R3HCC1L: variants seen among roughly 807,000 people sequenced by gnomAD.
R3HCC1L encodes R3H domain and coiled-coil containing 1 like, also known as coiled-coil domain-containing protein R3HCC1L.
In R3HCC1L, 51 loss-of-function variants were observed where a neutral mutation model predicts 59.9. The observed-to-expected ratio is 0.85, with a 90% confidence interval of 0.68 to 1.07. The LOEUF is 1.07. Among genes scored for constraint, R3HCC1L ranks in the 50% least tolerant of loss-of-function variants. The pLI is 0.00. For synonymous variants in R3HCC1L, 322 were observed against 315.2 expected, an observed-to-expected ratio of 1.02 and a Z score of -0.23; for missense variants, 965 against 933.0, an observed-to-expected ratio of 1.03 and a Z score of -0.45.
At chr10:98,154,182 CAAAAAAAA>C (rs61379048) in intron 1 of R3HCC1L, among the ~76,000 whole-genome samples, 3 of 92,832 alleles carry the variant, frequency 3.2e-5, no homozygotes, top group Non-Finnish European at 4.2e-5. Flanking sequence ...AGAGAATAAG[CAAAAAAAA>C]AAAAAAAAAA....
In R3HCC1L at chr10:98,209,882, C is replaced by G. The variant is rs1175698734; in HGVS notation, c.1768C>G (p.Pro590Ala). ...MFNDDGDCLD[P>A]RLLQELSGNT... ...TAACGATGATGGTGACTGCCTGGAT[C>G]CACGTCTTCTACAAGAGGTATGTTT... Residue 590 changes from proline (P) to alanine (A), a missense_variant, in exon 5 of 10, where the codon CCA becomes GCA. Physicochemically the swap from Pro to Ala is conservative, Grantham distance 27. Coordinates refer to ENST00000298999, the MANE Select transcript of R3HCC1L (RefSeq NM_001351015.2). 1 of 1,610,916 alleles carries G rather than the reference C, an allele frequency of 6.2e-7. No individual in the cohort carries two copies. Among genetic ancestry groups the G allele is most frequent in the Non-Finnish European group, 8.5e-7 (1 of 1,177,832 alleles).
At chr10:98,204,256 A>G (rs1852378045) in intron 4 of R3HCC1L, among the ~76,000 whole-genome samples, 1 of 152,112 alleles carries the variant, frequency 6.6e-6, no homozygotes, top group Non-Finnish European at 1.5e-5. Flanking sequence ...TTAAAACACA[A>G]AATTAGCCAG....
intron 5 of R3HCC1L, among the ~76,000 whole-genome samples, chr10:98,220,544 A>G (rs1459095214): frequency 1.1e-5 from 1 of 91,132 alleles, no homozygotes; most frequent in South Asian, 4.7e-4. Flanking sequence ...CCACCCCACA[A>G]CAGTCCCCAG....
At chr10:98,165,790 C>T (rs1847886578) in intron 4 of R3HCC1L, among the ~76,000 whole-genome samples, 1 of 152,166 alleles carries the variant, frequency 6.6e-6, no homozygotes, top group African/African-American at 2.4e-5. Context: ...ATCTGGTCCC[C>T]AATGTGATGG....
At position 98,209,022 on chromosome 10, in the gene R3HCC1L, AAGATAC is replaced by A; in HGVS notation, c.913_918del (p.Thr305_Asp306del). On this transcript the variant is annotated inframe_deletion, in exon 5 of 10. Coordinates refer to ENST00000298999, the MANE Select transcript of R3HCC1L (RefSeq NM_001351015.2). The stretch of plus-strand genomic sequence containing the variant: ...AGTACAGGTTTCATCTTAGATCAAA[AAGATAC>A]AGATTCCATTCCTGCAACTATGGGT... 6.2e-7 allele frequency: 1 copy of A among 1,613,926 alleles called. No individual in the cohort carries two copies. The highest frequency in any genetic ancestry group is 1.1e-5 in the South Asian group (1 of 91,078).
intron 4 of R3HCC1L, chr10:98,174,569 A>G: frequency 2.1e-6 from 2 of 965,738 alleles, no homozygotes; most frequent in Non-Finnish European, 2.5e-6. Flanking sequence ...AGAGTGATAT[A>G]ACAACAATGA....
intron 5 of R3HCC1L, among the ~76,000 whole-genome samples, chr10:98,212,162 GTAA>G (rs1405811088): frequency 6.6e-6 from 1 of 152,142 alleles, no homozygotes. Flanking sequence ...TTTAGAAAAT[GTAA>G]TAATGATACT....
intron 4 of R3HCC1L, among the ~76,000 whole-genome samples, chr10:98,206,398 A>C (rs1225282372): frequency 6.6e-6 from 1 of 150,808 alleles, no homozygotes; most frequent in Non-Finnish European, 1.5e-5. Context: ...TGCTTTCAGC[A>C]CAGCATTTCA....
chr10:98,231,578 G>A lies in R3HCC1L; in HGVS notation c.1852G>A (p.Val618Ile). Residue 618 changes from valine to isoleucine, a missense_variant, in exon 6 of 10, where the codon GTT (valine) becomes ATT (isoleucine). Transcript: ENST00000298999. ...EPRSDYYNHE[V>I]PDIDLSDCEF... ...TAGATCTGATTACTACAATCATGAA[G>A]TTCCTGATATTGACCTCAGTGATTG... 6.2e-7 allele frequency: 1 copy of A among 1,612,786 alleles called. No homozygotes were observed. The highest frequency in any genetic ancestry group is 8.5e-7 in the Non-Finnish European group (1 of 1,179,016).
intron 5 of R3HCC1L, among the ~76,000 whole-genome samples, chr10:98,223,601 G>T (rs917348000): frequency 6.6e-6 from 1 of 151,780 alleles, no homozygotes; most frequent in African/African-American, 2.4e-5. Flanking sequence ...ATTCTGGGTG[G>T]GTAAAGTAGC....
intron 1 of R3HCC1L, among the ~76,000 whole-genome samples, chr10:98,138,684 T>A (rs1844831494): frequency 6.6e-6 from 1 of 152,218 alleles, no homozygotes; most frequent in African/African-American, 2.4e-5. Flanking sequence ...AGGAACATTT[T>A]GTTGATTGTC....
chr10:98,232,860 T>C (rs960517382), intron 6 of R3HCC1L, among the ~76,000 whole-genome samples: 1 of 152,198 alleles, frequency 6.6e-6, no homozygotes, highest in Non-Finnish European at 1.5e-5. Flanking sequence ...AGTGTTCTGT[T>C]TTCATATGAA....
chr10:98,143,552 G>A (rs1344632996), intron 1 of R3HCC1L, among the ~76,000 whole-genome samples: 1 of 152,114 alleles, frequency 6.6e-6, no homozygotes, highest in East Asian at 1.9e-4. Flanking sequence ...GCTTCCTTGG[G>A]TATCCTGAAA....
Position 98,192,269 on chromosome 10 carries a change from TA to T in R3HCC1L, c.-14-15823del, listed in dbSNP as rs200625952. 3.0e-3 allele frequency among the ~76,000 whole-genome samples: 452 copies of T among 150,384 alleles called. 4 individuals are homozygous for T. The highest frequency in any genetic ancestry group is 9.7e-3 in the African/African-American group (400 of 41,076). ...CTTTTAGGTAAGTCTTATAAAGCTT[TA>T]AAAAAAAAGGTCTTGGAAATAATAT... On this transcript the variant is annotated intron_variant, in intron 4 of 9. Coordinates refer to ENST00000298999, the MANE Select transcript of R3HCC1L (RefSeq NM_001351015.2).
At chr10:98,234,401 A>G in intron 6 of R3HCC1L, 45 bp from the exon 7 acceptor site, 2 of 1,549,324 alleles carry the variant, frequency 1.3e-6, no homozygotes, top group Non-Finnish European at 1.8e-6. Flanking sequence ...GTTTCATAAA[A>G]GTAAATTTTA....
At chr10:98,179,931 T>A (rs1489781164) in intron 4 of R3HCC1L, among the ~76,000 whole-genome samples, 4 of 152,238 alleles carry the variant, frequency 2.6e-5, no homozygotes, top group Non-Finnish European at 4.4e-5. Context: ...CATTTTTTAT[T>A]GCATCTATTT....
At chr10:98,147,009 A>G (rs1369581370) in intron 1 of R3HCC1L, among the ~76,000 whole-genome samples, 1 of 152,068 alleles carries the variant, frequency 6.6e-6, no homozygotes, top group Admixed American at 6.6e-5. Context: ...GGCTCTATTA[A>G]TTTACATTCC....
At chr10:98,160,839 C>G (rs1847345198) in intron 2 of R3HCC1L, among the ~76,000 whole-genome samples, 1 of 152,244 alleles carries the variant, frequency 6.6e-6, no homozygotes, top group Admixed American at 6.5e-5. Context: ...ACCAGTTATC[C>G]TTCATGTGTT....
Position 98,231,646 on chromosome 10 carries a change from A to C in R3HCC1L, c.1920A>C (p.Glu640Asp). 6.2e-7 allele frequency: 1 copy of C among 1,612,738 alleles called. No individual in the cohort carries two copies. Among genetic ancestry groups the C allele is most frequent in the Non-Finnish European group, 8.5e-7 (1 of 1,179,068 alleles). Residue 640 changes from glutamate (E) to aspartate (D), a missense_variant, in exon 6 of 10, where the codon GAA becomes GAC. Coordinates refer to ENST00000298999, the MANE Select transcript of R3HCC1L (RefSeq NM_001351015.2). ...TTGAAATTTATGACTTTCCCCAAGA[A>C]TTTCATACTGAAGACCTTCTACGGG... is the stretch of plus-strand genomic sequence containing the variant. ...HVIEIYDFPQ[E>D]FHTEDLLRVF...
Sources: allele counts gnomAD v4.1 joint callset (sites outside exome capture counted in the v4.1 genomes callset), GRCh38; gene constraint gnomAD v4.1.1; transcripts MANE v1.5; gene names NCBI Gene and HGNC (gene_info 2026-07-23, HGNC 2026-07-21).